CCPG1: variants seen among roughly 807,000 people sequenced by gnomAD.
CCPG1 encodes cell cycle progression 1.
Under a neutral mutation model 81.3 loss-of-function variants are expected in CCPG1, and 46 were observed. The observed-to-expected ratio is 0.57, with a 90% CI of 0.45 to 0.72. The LOEUF is 0.72. CCPG1 is among the 30% of genes least tolerant of loss of function. The pLI is 0.00. For synonymous variants in CCPG1, 330 were observed against 305.2 expected (o/e 1.08, Z -0.85); for missense variants, 902 against 937.6 (o/e 0.96, Z 0.50).
intron 3 of CCPG1, among the ~76,000 whole-genome samples, chr15:55,379,840 T>G (rs544687446): frequency 6.6e-6 from 1 of 152,220 alleles, no homozygotes; most frequent in Admixed American, 6.5e-5. Flanking sequence ...GGCTCAAACC[T>G]GTAATCCCAG....
rs769881863 is a variant in CCPG1, at chr15:55,376,916, A to C, written c.454+33T>G. On this transcript the variant is annotated intron_variant, in intron 5 of 8. Coordinates refer to ENST00000442196, the MANE Select transcript of CCPG1 (RefSeq NM_001204450.2). ...GCCTTTATATAAAATGTGGTCGTACATGTCTTTAAGTCTCTTATCAGTGTA... is the reference window on the plus strand; with the variant it reads ...GCCTTTATATAAAATGTGGTCGTACCTGTCTTTAAGTCTCTTATCAGTGTA... The C allele has an allele frequency of 3.4e-5, 51 of 1,498,560 alleles. No homozygotes were observed. The Middle Eastern group carries it at 5.2e-4, about 15-fold the overall frequency. 92.8% of individuals were successfully genotyped at this position (1,498,560 alleles called of 1,614,324 possible).
intron 6 of CCPG1, among the ~76,000 whole-genome samples, chr15:55,365,896 AGCCTG>A (rs1209516216): frequency 6.6e-6 from 1 of 151,282 alleles, no homozygotes; most frequent in African/African-American, 2.4e-5. Context: ...GTTCAAGACC[AGCCTG>A]GCCAACATGG....
At chr15:55,402,078 T>C (rs2057139576) in intron 1 of CCPG1, among the ~76,000 whole-genome samples, 1 of 152,238 alleles carries the variant, frequency 6.6e-6, no homozygotes, top group Admixed American at 6.5e-5. Flanking sequence ...CATTTTCCCC[T>C]GAATCTATAG....
At chr15:55,391,898 G>A (rs1319479271) in intron 1 of CCPG1, among the ~76,000 whole-genome samples, 1 of 127,442 alleles carries the variant, frequency 7.8e-6, no homozygotes, top group Non-Finnish European at 1.7e-5. Context: ...GGGGGGGGGG[G>A]GCTAGGTGTG....
chr15:55,358,465 C>A (rs2056127388), intron 8 of CCPG1: 4 of 985,278 alleles, frequency 4.1e-6, no homozygotes, highest in East Asian at 1.1e-4. Flanking sequence ...TAAAATGGGG[C>A]CCTTCATGGT....
Position 55,376,917 on chromosome 15 carries a change from T to C in CCPG1, c.454+32A>G, listed in dbSNP as rs773074394. On this transcript the variant is annotated intron_variant, in intron 5 of 8. Transcript: ENST00000442196. ...CCTTTATATAAAATGTGGTCGTACA[T>C]GTCTTTAAGTCTCTTATCAGTGTAT... 4.0e-6 allele frequency: 6 copies of C among 1,503,692 alleles called. No individual in the cohort carries two copies. The South Asian group carries it at 6.9e-5, about 17-fold the overall frequency. 93.1% of individuals were successfully genotyped at this position (1,503,692 alleles called of 1,614,324 possible). A position where few individuals can be genotyped will look rare whatever the true frequency, so the allele number is the denominator to read the frequency against.
intron 3 of CCPG1, among the ~76,000 whole-genome samples, chr15:55,381,224 A>C (rs1054780446): frequency 6.6e-6 from 1 of 152,010 alleles, no homozygotes; most frequent in South Asian, 2.1e-4. Flanking sequence ...TCAGGAGGTC[A>C]GGAGTTCGAG....
At chr15:55,374,634 C>CT (rs1163983276) in intron 5 of CCPG1, among the ~76,000 whole-genome samples, 9 of 152,134 alleles carry the variant, frequency 5.9e-5, no homozygotes, top group Non-Finnish European at 1.0e-4. Flanking sequence ...CAAAAACCAT[C>CT]TTTTTTATTT....
chr15:55,368,486 T>C (rs1043271462), intron 6 of CCPG1, among the ~76,000 whole-genome samples: 2 of 152,198 alleles, frequency 1.3e-5, no homozygotes, highest in African/African-American at 4.8e-5. Flanking sequence ...TCTAGATATC[T>C]TGTTATATAA....
intron 2 of CCPG1, among the ~76,000 whole-genome samples, chr15:55,388,161 A>G (rs1392803647): frequency 2.0e-5 from 3 of 152,052 alleles, no homozygotes; most frequent in Non-Finnish European, 4.4e-5. Flanking sequence ...GCAAAACTCC[A>G]TCTCAAAAAA....
At chr15:55,361,319 G>A (rs552795835) in intron 7 of CCPG1, among the ~76,000 whole-genome samples, 40 of 151,806 alleles carry the variant, frequency 2.6e-4, no homozygotes, top group African/African-American at 7.3e-5. Flanking sequence ...GAACCACCGC[G>A]CCTGGCTGGA....
intron 7 of CCPG1, among the ~76,000 whole-genome samples, chr15:55,362,833 A>C (rs1022195162): frequency 6.6e-6 from 1 of 151,848 alleles, no homozygotes; most frequent in Non-Finnish European, 1.5e-5. Context: ...TGAACCCAGA[A>C]GTTCCAGAAT....
chr15:55,379,005 AATCT>A (rs1335986993), intron 3 of CCPG1, among the ~76,000 whole-genome samples: 1 of 152,064 alleles, frequency 6.6e-6, no homozygotes, highest in Non-Finnish European at 1.5e-5. Flanking sequence ...AATATGAAAA[AATCT>A]ATCATTAGAT....
At chr15:55,371,488 TG>T (rs530997797) in intron 6 of CCPG1, among the ~76,000 whole-genome samples, 2 of 152,214 alleles carry the variant, frequency 1.3e-5, no homozygotes, top group Non-Finnish European at 2.9e-5. Context: ...TAAATGTAAA[TG>T]ATTTGCCTCA....
At chr15:55,380,299 G>C (rs879383081) in intron 3 of CCPG1, among the ~76,000 whole-genome samples, 5 of 110,202 alleles carry the variant, frequency 4.5e-5, no homozygotes, top group Non-Finnish European at 7.9e-5. Context: ...TTTTTTTTTT[G>C]TTTTGTTTTG....
chr15:55,374,260 A>G, intron 5 of CCPG1: 3 of 1,272,514 alleles, frequency 2.4e-6, no homozygotes, highest in Non-Finnish European at 3.1e-6. Flanking sequence ...TCTTTTGTGA[A>G]TAAACAGGAA....
intron 1 of CCPG1, among the ~76,000 whole-genome samples, chr15:55,397,036 C>CA (rs199503799): frequency 0.021 from 3,187 of 151,944 alleles, 98 homozygotes; most frequent in African/African-American, 0.069. Context: ...TCTGTCTCTA[C>CA]AAAAAAACAC....
intron 1 of CCPG1, among the ~76,000 whole-genome samples, chr15:55,395,715 A>G (rs1003972257): frequency 2.0e-5 from 3 of 152,168 alleles, no homozygotes; most frequent in African/African-American, 7.2e-5. Context: ...GGCACTTAAT[A>G]TAGAATATTG....
intron 5 of CCPG1, 58 bp downstream of exon 5, chr15:55,376,891 G>A: frequency 3.2e-6 from 4 of 1,251,000 alleles, no homozygotes; most frequent in Non-Finnish European, 4.6e-6. Flanking sequence ...TAGAAAACAA[G>A]CCTTTATATA....
Sources: gnomAD v4.1 joint callset for allele counts (sites outside exome capture counted in the v4.1 genomes callset) on GRCh38, gnomAD v4.1.1 for gene constraint, MANE v1.5 for transcripts, NCBI Gene and HGNC (gene_info 2026-07-23, HGNC 2026-07-21) for gene names.